PLXNA2: variants seen among roughly 807,000 people sequenced by gnomAD.
The protein encoded by PLXNA2 is plexin-A2.
Under a neutral mutation model 193.5 loss-of-function variants are expected in PLXNA2, and 91 were observed. The observed-to-expected ratio is 0.47, with a 90% CI of 0.40 to 0.56. The LOEUF is 0.56. Ranked by LOEUF, PLXNA2 falls within the 20% of genes least tolerant of loss-of-function variation. The pLI, the probability that PLXNA2 is intolerant of heterozygous loss-of-function variation, is 0.00. For synonymous variants in PLXNA2, 997 were observed against 1,027.3 expected, an observed-to-expected ratio of 0.97 and a Z score of 0.56; for missense variants, 1,995 against 2,503.2, an observed-to-expected ratio of 0.80 and a Z score of 4.33.
intron 2 of PLXNA2, 45 bp from the exon 3 acceptor site, chr1:208,210,507 T>C (rs1485225232): frequency 2.0e-6 from 3 of 1,538,172 alleles, no homozygotes; most frequent in Middle Eastern, 2.1e-4. Flanking sequence ...AGTGGAGGCA[T>C]GGTGAAGTCT....
intron 4 of PLXNA2, among the ~76,000 whole-genome samples, chr1:208,124,631 A>T (rs984050378): frequency 6.8e-6 from 1 of 147,360 alleles, no homozygotes; most frequent in Non-Finnish European, 1.5e-5. Context: ...GTGAGCCAAG[A>T]TCATGTGATT....
intron 17 of PLXNA2, among the ~76,000 whole-genome samples, chr1:208,047,855 C>T (rs1449418276): frequency 6.6e-6 from 1 of 152,262 alleles, no homozygotes; most frequent in Admixed American, 6.5e-5. Context: ...CAAAGCGGCT[C>T]ACTGCGGCCT....
chr1:208,205,798 G>A (rs1473351954), intron 3 of PLXNA2, among the ~76,000 whole-genome samples: 1 of 152,144 alleles, frequency 6.6e-6, no homozygotes, highest in African/African-American at 2.4e-5. Flanking sequence ...TTCCTTATAT[G>A]AAGGGGAAAG....
At chr1:208,081,607 C>G (rs1174104835) in intron 11 of PLXNA2, among the ~76,000 whole-genome samples, 1 of 152,192 alleles carries the variant, frequency 6.6e-6, no homozygotes, top group African/African-American at 2.4e-5. Flanking sequence ...TACTATCTGA[C>G]TCGTGGCCCA....
In PLXNA2 at chr1:208,082,631, T is replaced by A; in HGVS notation, c.2299-123A>T. Reference sequence around the variant, plus strand: ...CGCTCTTTCCCTGAATCCCAGTCACTAATGCCAAGAGAATCCCACCCAAGC... The same window carrying A: ...CGCTCTTTCCCTGAATCCCAGTCACAAATGCCAAGAGAATCCCACCCAAGC... On this transcript the variant is annotated intron_variant, in intron 10 of 31. Transcript: ENST00000367033. The surrounding 1 kb of genome is among the most constrained non-coding windows in gnomAD (Gnocchi z 4.2). The A allele has an allele frequency of 1.3e-6, 1 of 743,868 alleles. No individual in the cohort carries two copies. 46.1% of individuals were successfully genotyped at this position (743,868 alleles called of 1,614,324 possible).
intron 11 of PLXNA2, among the ~76,000 whole-genome samples, chr1:208,080,238 C>T (rs1451661460): frequency 6.6e-6 from 1 of 152,108 alleles, no homozygotes; most frequent in African/African-American, 2.4e-5. Context: ...AGTCTGTTCC[C>T]AGCCCTTATG....
chr1:208,135,143 T>C (rs1668264610), intron 4 of PLXNA2, among the ~76,000 whole-genome samples: 1 of 151,348 alleles, frequency 6.6e-6, no homozygotes, highest in African/African-American at 2.4e-5. Flanking sequence ...CTTCAAACAA[T>C]GCAGAGAATT....
intron 3 of PLXNA2, among the ~76,000 whole-genome samples, chr1:208,174,763 T>C (rs1246794178): frequency 3.3e-5 from 5 of 152,202 alleles, no homozygotes; most frequent in Admixed American, 3.3e-4. Context: ...TGCTCCACAC[T>C]AGCCCTTAGG....
intron 3 of PLXNA2, among the ~76,000 whole-genome samples, chr1:208,145,331 G>A (rs576884362): frequency 1.1e-4 from 16 of 152,282 alleles, no homozygotes; most frequent in Middle Eastern, 6.8e-3. Flanking sequence ...TGCTGGCTGC[G>A]TCCCAGCAGC....
chr1:208,214,321 C>T (rs1467463311), intron 2 of PLXNA2, among the ~76,000 whole-genome samples: 2 of 152,076 alleles, frequency 1.3e-5, no homozygotes, highest in Non-Finnish European at 2.9e-5. Flanking sequence ...CTCATAATAA[C>T]CATGAAAAGA....
Position 208,209,990 on chromosome 1 carries a change from T to A in PLXNA2, c.1371+290A>T, listed in dbSNP as rs1314904586. On this transcript the variant is annotated intron_variant, in intron 3 of 31. Coordinates refer to ENST00000367033, the MANE Select transcript of PLXNA2 (RefSeq NM_025179.4). ...ATTTGGGAATGAAGAGCAATTTTTT[T>A]TTTTTTTTTTTTTTGCTTTTGCAGA... 20 of 180,448 alleles carry A rather than the reference T, an allele frequency of 1.1e-4. 2 individuals are homozygous for A. Among genetic ancestry groups the A allele is most frequent in the South Asian group, 5.1e-4 (4 of 7,836 alleles). The allele number at this position is 180,448 out of a possible 1,614,324, so 11.2% of individuals were successfully genotyped here.
At chr1:208,083,950 G>A (rs1558183361) in intron 10 of PLXNA2, among the ~76,000 whole-genome samples, 1 of 151,958 alleles carries the variant, frequency 6.6e-6, no homozygotes, top group Non-Finnish European at 1.5e-5. Flanking sequence ...GAGTTGACTC[G>A]CTCTGGTTCA....
At chr1:208,103,585 T>C (rs1165525693) in intron 4 of PLXNA2, among the ~76,000 whole-genome samples, 1 of 152,244 alleles carries the variant, frequency 6.6e-6, no homozygotes, top group Non-Finnish European at 1.5e-5. Flanking sequence ...TGAAAGGCTA[T>C]TGAGTGGCAC....
chr1:208,221,653 T>C (rs1671341959), intron 1 of PLXNA2, among the ~76,000 whole-genome samples: 1 of 152,152 alleles, frequency 6.6e-6, no homozygotes, highest in Non-Finnish European at 1.5e-5. Context: ...GACAGCTGAC[T>C]TCAAGGGCAC....
Position 208,217,845 on chromosome 1 carries a change from C to A in PLXNA2, c.78G>T (p.Val26=), listed in dbSNP as rs1426259895. The change falls in exon 2 of 32, where the codon GTG becomes GTT. Residue 26 remains valine (V), a synonymous_variant. Coordinates refer to ENST00000367033, the MANE Select transcript of PLXNA2 (RefSeq NM_025179.4). This position sits in a 1 kb window ranked among gnomAD's most constrained non-coding sequence, Gnocchi z 4.7. ...RSVVLLSVVW[V]LLAPPAAGMP... ...TGCCGGCTGCTGGGGGGGCCAGCAG[C>A]ACCCAGACCACTGAGAGCAGGACCA... 1 of 1,613,872 alleles carries A rather than the reference C, an allele frequency of 6.2e-7. No homozygotes were observed. The highest frequency in any genetic ancestry group is 1.3e-5 in the African/African-American group (1 of 74,934).
intron 3 of PLXNA2, among the ~76,000 whole-genome samples, chr1:208,156,101 G>A (rs1020957642): frequency 2.7e-5 from 2 of 74,508 alleles, no homozygotes; most frequent in East Asian, 2.0e-4. Flanking sequence ...GGGAAAGCAG[G>A]GTGAAAGAAA....
At chr1:208,050,483 T>A (rs992805828) in intron 17 of PLXNA2, among the ~76,000 whole-genome samples, 1 of 152,236 alleles carries the variant, frequency 6.6e-6, no homozygotes, top group African/African-American at 2.4e-5. Context: ...GCCAGTACTT[T>A]GATACACTCA....
intron 2 of PLXNA2, among the ~76,000 whole-genome samples, chr1:208,212,809 T>C (rs1671006101): frequency 6.6e-6 from 1 of 152,228 alleles, no homozygotes; most frequent in African/African-American, 2.4e-5. Flanking sequence ...ATCTCATCCC[T>C]ACACTACACG....
intron 6 of PLXNA2, among the ~76,000 whole-genome samples, chr1:208,097,298 T>C (rs542591983): frequency 4.6e-4 from 70 of 152,140 alleles, no homozygotes; most frequent in Non-Finnish European, 6.9e-4. Context: ...TGGGAGTAAA[T>C]ATCACCAACC....
Sources: gnomAD v4.1 joint callset for allele counts (sites outside exome capture counted in the v4.1 genomes callset) on GRCh38, gnomAD v4.1.1 for gene constraint, Gnocchi (gnomAD v3.1) non-coding constraint, MANE v1.5 for transcripts, NCBI Gene and HGNC (gene_info 2026-07-23, HGNC 2026-07-21) for gene names.